MYL3: variants seen among roughly 807,000 people sequenced by gnomAD.
MYL3 encodes the protein myosin light chain 3, also known as CMLC1.
Under a neutral mutation model 21.3 loss-of-function variants are expected in MYL3, and 11 were observed. That is an observed-to-expected ratio of 0.52 (90% CI 0.32 to 0.85). The LOEUF (loss-of-function observed/expected upper bound fraction) is 0.85, where lower values mean the gene tolerates loss of function less well. MYL3 is among the 40% of genes least tolerant of loss of function. The pLI is 0.03. For missense variants in MYL3, 206 were observed against 253.3 expected, an observed-to-expected ratio of 0.81 and a Z score of 1.27; for synonymous variants, 88 against 91.6, an observed-to-expected ratio of 0.96 and a Z score of 0.22.
At position 46,860,069 on chromosome 3, in the gene MYL3, C is replaced by A. The variant is rs1701974812; in HGVS notation, c.308-421G>T. Among the ~76,000 whole-genome samples, 1 of 151,588 alleles carries A rather than the reference C, an allele frequency of 6.6e-6. No individual in the cohort carries two copies. On this transcript the variant is annotated intron_variant, in intron 3 of 6. Transcript: ENST00000292327. The surrounding 1 kb of genome is among the most constrained non-coding windows in gnomAD (Gnocchi z 4.6). Reference sequence around the variant, plus strand: ...TTTGAACCCTTGGTGGGGGCTTGGGCCTCACTCCTTTTTTTTTTTTTAGCT... The same window carrying A: ...TTTGAACCCTTGGTGGGGGCTTGGGACTCACTCCTTTTTTTTTTTTTAGCT...
upstream of MYL3, among the ~76,000 whole-genome samples, chr3:46,864,748 CCAGTGCCCATCCTG>C (rs1702031116): frequency 6.6e-6 from 1 of 152,200 alleles, no homozygotes. This position sits in a 1 kb window ranked among gnomAD's most constrained non-coding sequence, Gnocchi z 4.7. Flanking sequence ...GTGCCCACCC[CCAGTGCCCATCCTG>C]CAGTGCCCGG....
chr3:46,868,579 G>C (rs1302721939), intron 1 of MYL3, among the ~76,000 whole-genome samples: 1 of 152,216 alleles, frequency 6.6e-6, no homozygotes, highest in Non-Finnish European at 1.5e-5. Context: ...TGACGCTTAG[G>C]GCTGTGGTGT....
At chr3:46,864,202 G>A (rs540677263), upstream of MYL3, among the ~76,000 whole-genome samples, 83 of 152,128 alleles carry the variant, frequency 5.5e-4, no homozygotes, top group South Asian at 0.015. The surrounding 1 kb of genome is among the most constrained non-coding windows in gnomAD (Gnocchi z 4.7). Context: ...GTGTGTCTGC[G>A]GGTGTTGCTT....
In MYL3 at chr3:46,863,285, C is replaced by T. The variant is rs749941468; in HGVS notation, c.106G>A (p.Glu36Lys). 38 of 1,614,028 alleles carry T rather than the reference C, an allele frequency of 2.4e-5. No homozygotes were observed. Among genetic ancestry groups the T allele is most frequent in the Middle Eastern group, 1.6e-4 (1 of 6,076 alleles). ...PPEPERPKEVEFDASKIKIEF... is the reference protein window; with the variant it reads ...PPEPERPKEVKFDASKIKIEF... ...ACCTTGATCTTGGAAGCATCAAACTCGACCTCCTTAGGGCGCTCAGGCTCA... is the reference window on the plus strand; with the variant it reads ...ACCTTGATCTTGGAAGCATCAAACTTGACCTCCTTAGGGCGCTCAGGCTCA... The change falls in exon 1 of 7, where the codon GAG becomes AAG. Residue 36 changes from glutamate to lysine, a missense_variant. By Grantham distance (56) the Glu-to-Lys change is moderately conservative. Coordinates refer to ENST00000292327, the MANE Select transcript of MYL3 (RefSeq NM_000258.3).
At chr3:46,863,191 C>T in intron 1 of MYL3, 71 bp downstream of exon 1, 1 of 1,606,922 alleles carries the variant, frequency 6.2e-7, no homozygotes, top group Non-Finnish European at 8.5e-7. Flanking sequence ...TGACCTGCCT[C>T]TTGCTAGGTC....
rs185746941 is a variant in MYL3, at chr3:46,862,485, G to T, written c.129+777C>A. On this transcript the variant is annotated intron_variant, in intron 1 of 6. Transcript: ENST00000292327. Reference sequence around the variant, plus strand: ...AATGTAGGTCCTGCTGGGCATGCAGGGATGGCGAGGGTTCCACAGGGCTCC... The same window carrying T: ...AATGTAGGTCCTGCTGGGCATGCAGTGATGGCGAGGGTTCCACAGGGCTCC... Among the ~76,000 whole-genome samples the T allele has an allele frequency of 3.3e-5, 5 of 152,286 alleles. No homozygotes were observed. The East Asian group carries it at 9.7e-4, about 29-fold the overall frequency.
chr3:46,870,636 G>C (rs541864407), intron 1 of MYL3, among the ~76,000 whole-genome samples: 1 of 152,152 alleles, frequency 6.6e-6, no homozygotes, highest in Non-Finnish European at 1.5e-5. Flanking sequence ...GTCAACTCTG[G>C]TACCTGCCTG....
chr3:46,873,825 G>GAGAT (rs1487824511), intron 1 of MYL3, among the ~76,000 whole-genome samples: 2 of 152,198 alleles, frequency 1.3e-5, no homozygotes, highest in African/African-American at 2.4e-5. Context: ...AGAGGCCCCA[G>GAGAT]AGATAGAGCA....
chr3:46,865,788 G>A (rs1235466915), upstream of MYL3, among the ~76,000 whole-genome samples: 4 of 152,054 alleles, frequency 2.6e-5, no homozygotes, highest in Admixed American at 2.6e-4. This position sits in a 1 kb window ranked among gnomAD's most constrained non-coding sequence, Gnocchi z 4.3. Flanking sequence ...GCAGTGGCTT[G>A]GGCCCCTCCT....
At chr3:46,866,153 G>C (rs1423644678), upstream of MYL3, among the ~76,000 whole-genome samples, 2 of 152,102 alleles carry the variant, frequency 1.3e-5, no homozygotes, top group Non-Finnish European at 2.9e-5. Flanking sequence ...GGTAAGAACA[G>C]GCCACACCAT....
At chr3:46,871,348 CAG>C (rs1430239047) in intron 1 of MYL3, among the ~76,000 whole-genome samples, 1 of 152,078 alleles carries the variant, frequency 6.6e-6, no homozygotes, top group East Asian at 1.9e-4. Context: ...GAAGGGGAAA[CAG>C]AGGCCCAAGC....
At chr3:46,858,188 G>A (rs1002240883) in intron 6 of MYL3, 43 bp downstream of exon 6, 114 of 1,602,276 alleles carry the variant, frequency 7.1e-5, no homozygotes, top group Non-Finnish European at 9.7e-5. Flanking sequence ...GGTGGAGTGT[G>A]GGCAGGTGGC....
upstream of MYL3, among the ~76,000 whole-genome samples, chr3:46,866,130 G>A (rs1181017215): frequency 6.6e-6 from 1 of 150,698 alleles, no homozygotes; most frequent in Admixed American, 6.6e-5. Flanking sequence ...AGGGAGGGTG[G>A]GCAGCAGTTG....
chr3:46,873,685 C>T (rs1639089431), intron 1 of MYL3, among the ~76,000 whole-genome samples: 1 of 152,196 alleles, frequency 6.6e-6, no homozygotes, highest in Non-Finnish European at 1.5e-5. Flanking sequence ...TACTGGATGG[C>T]CCTGAGTTCA....
chr3:46,878,669 T>A (rs2030377375), intron 1 of MYL3, among the ~76,000 whole-genome samples: 1 of 152,202 alleles, frequency 6.6e-6, no homozygotes, highest in African/African-American at 2.4e-5. Flanking sequence ...GCTGAGCCTC[T>A]TGCCTTGCTT....
chr3:46,862,086 G>A (rs1207481646), intron 1 of MYL3, among the ~76,000 whole-genome samples: 1 of 152,142 alleles, frequency 6.6e-6, no homozygotes, highest in Non-Finnish European at 1.5e-5. Flanking sequence ...CCTGGGGATG[G>A]GGGAAGAGGG....
At chr3:46,862,020 T>A (rs781527472) in intron 1 of MYL3, among the ~76,000 whole-genome samples, 4 of 152,168 alleles carry the variant, frequency 2.6e-5, no homozygotes, top group Non-Finnish European at 5.9e-5. Context: ...CCAGGAAGCC[T>A]ACTGAGATTA....
In MYL3 at chr3:46,861,900, G is replaced by A. The variant is rs532520395; in HGVS notation, c.130-913C>T. ...CTCCACAGTGCATGCCGGCACAGAG[G>A]GACACCCTGTTCAGGGCCACCCTAC... On this transcript the variant is annotated intron_variant, in intron 1 of 6. Transcript: ENST00000292327. This position sits in a 1 kb window ranked among gnomAD's most constrained non-coding sequence, Gnocchi z 4.2. Among the ~76,000 whole-genome samples, 1 of 152,280 alleles carries A rather than the reference G, an allele frequency of 6.6e-6. No homozygotes were observed. The highest frequency in any genetic ancestry group is 2.1e-4 in the South Asian group (1 of 4,820).
At chr3:46,864,255 G>A (rs1011402693), upstream of MYL3, among the ~76,000 whole-genome samples, 2 of 152,056 alleles carry the variant, frequency 1.3e-5, no homozygotes, top group Non-Finnish European at 2.9e-5. The surrounding 1 kb of genome is among the most constrained non-coding windows in gnomAD (Gnocchi z 4.7). Flanking sequence ...CTGTATGTGA[G>A]TGTCTGGTCA....
Sources: allele counts gnomAD v4.1 joint callset (sites outside exome capture counted in the v4.1 genomes callset), GRCh38; gene constraint gnomAD v4.1.1; non-coding constraint Gnocchi (gnomAD v3.1); transcripts MANE v1.5; gene names NCBI Gene and HGNC (gene_info 2026-07-23, HGNC 2026-07-21).